Variants in ARMC9 observed in about 807,000 individuals in gnomAD.
ARMC9 encodes armadillo repeat containing 9.
Under a neutral mutation model 107.0 loss-of-function variants are expected in ARMC9, and 94 were observed. The observed-to-expected ratio is 0.88, with a 90% CI of 0.74 to 1.04. The LOEUF (loss-of-function observed/expected upper bound fraction) is 1.04. Ranked by LOEUF, ARMC9 falls within the 50% of genes least tolerant of loss-of-function variation. The pLI is 0.00. For missense variants in ARMC9, 942 were observed against 1,030.1 expected, an observed-to-expected ratio of 0.91 and a Z score of 1.17; for synonymous variants, 380 against 396.9, an observed-to-expected ratio of 0.96 and a Z score of 0.51.
intron 18 of ARMC9, chr2:231,293,681 G>C (rs1245228035): frequency 1.3e-5 from 2 of 152,216 alleles, no homozygotes; most frequent in East Asian, 3.8e-4. Context: ...ATTCTGGAAG[G>C]CTTGGGAAAT....
chr2:231,220,528 C>T (rs1168375699), intron 5 of ARMC9, among the ~76,000 whole-genome samples: 3 of 141,248 alleles, frequency 2.1e-5, no homozygotes, highest in African/African-American at 2.7e-5. Flanking sequence ...ACCCGGGAGG[C>T]GGAGGTTGGA....
intron 9 of ARMC9, among the ~76,000 whole-genome samples, chr2:231,245,418 A>G (rs1275764991): frequency 6.6e-6 from 1 of 152,210 alleles, no homozygotes; most frequent in Admixed American, 6.5e-5. Context: ...GGTTTCACCC[A>G]TGGCAGAGCA....
chr2:231,240,989 G>A (rs1480061231), intron 9 of ARMC9, among the ~76,000 whole-genome samples: 1 of 152,102 alleles, frequency 6.6e-6, no homozygotes, highest in Non-Finnish European at 1.5e-5. Flanking sequence ...CACGAGGTCA[G>A]GAGTTCCAGA....
intron 5 of ARMC9, among the ~76,000 whole-genome samples, chr2:231,222,116 A>T (rs1321752969): frequency 6.6e-6 from 1 of 152,210 alleles, no homozygotes; most frequent in Admixed American, 6.5e-5. Context: ...AATTGTCCTG[A>T]GACAAAGATT....
At chr2:231,319,199 G>A (rs920176200) in intron 19 of ARMC9, among the ~76,000 whole-genome samples, 11 of 152,150 alleles carry the variant, frequency 7.2e-5, no homozygotes, top group Non-Finnish European at 1.3e-4. Flanking sequence ...GCCTGAGTGA[G>A]GTCAGTAAGT....
chr2:231,278,726 C>G (rs992867839), intron 16 of ARMC9, among the ~76,000 whole-genome samples: 2 of 141,652 alleles, frequency 1.4e-5, no homozygotes, highest in African/African-American at 5.2e-5. Flanking sequence ...TGTTTCTCAT[C>G]ATCTAGCCCC....
chr2:231,216,887 A>G lies in ARMC9; in HGVS notation c.504+94A>G. 4 of 1,409,514 alleles carry G rather than the reference A, an allele frequency of 2.8e-6. No homozygotes were observed. In the South Asian group the frequency reaches 5.8e-5, roughly 20 times the overall value. The allele number at this position is 1,409,514 out of a possible 1,614,324, so 87.3% of individuals were successfully genotyped here. A position where few individuals can be genotyped will look rare whatever the true frequency, so the allele number is the denominator to read the frequency against. On this transcript the variant is annotated intron_variant, in intron 5 of 24. Transcript: ENST00000611582. ...GGGGCTTCTGAATGATGCTTTAAAA[A>G]AACTAAAATTTGCTTACATTAGTAT...
chr2:231,272,463 A>C (rs1349026663), intron 13 of ARMC9, among the ~76,000 whole-genome samples: 1 of 151,856 alleles, frequency 6.6e-6, no homozygotes, highest in Non-Finnish European at 1.5e-5. Context: ...CCAAAGTGCT[A>C]GGGTTACAGG....
intron 9 of ARMC9, among the ~76,000 whole-genome samples, chr2:231,241,849 G>T (rs2036328721): frequency 6.6e-6 from 1 of 152,158 alleles, no homozygotes; most frequent in Non-Finnish European, 1.5e-5. Flanking sequence ...GCAGGCTGCA[G>T]ACTGGGCTCT....
Position 231,253,510 on chromosome 2 carries a change from G to A in ARMC9, c.880-3076G>A, listed in dbSNP as rs187653232. ...TGCAGTGAGCTGAGGTCATGCCACTGTACTCCAGCCTGGGAGACAGAGTGA... is the reference window on the plus strand; with the variant it reads ...TGCAGTGAGCTGAGGTCATGCCACTATACTCCAGCCTGGGAGACAGAGTGA... On this transcript the variant is annotated intron_variant, in intron 9 of 24. Coordinates refer to ENST00000611582, the MANE Select transcript of ARMC9 (RefSeq NM_001352754.2). Among the ~76,000 whole-genome samples, 11 of 152,124 alleles carry A rather than the reference G, an allele frequency of 7.2e-5. No individual in the cohort carries two copies. The East Asian group carries it at 2.1e-3, about 29-fold the overall frequency.
chr2:231,342,916 T>A (rs1398782845), intron 20 of ARMC9, among the ~76,000 whole-genome samples: 1 of 151,770 alleles, frequency 6.6e-6, no homozygotes, highest in Non-Finnish European at 1.5e-5. Context: ...CAGGGCAGGG[T>A]TTTTTTGTTT....
chr2:231,322,192 T>C (rs2043036269), intron 19 of ARMC9, among the ~76,000 whole-genome samples: 1 of 152,260 alleles, frequency 6.6e-6, no homozygotes, highest in African/African-American at 2.4e-5. Context: ...ATCCCGGACG[T>C]GCTTCCATCT....
intron 7 of ARMC9, among the ~76,000 whole-genome samples, chr2:231,228,029 T>G (rs774575293): frequency 6.6e-6 from 1 of 151,982 alleles, no homozygotes; most frequent in East Asian, 1.9e-4. Flanking sequence ...CCCAGTACAG[T>G]ATGTGGAGGA....
At chr2:231,232,049 C>T (rs1317294761) in intron 7 of ARMC9, among the ~76,000 whole-genome samples, 3 of 115,866 alleles carry the variant, frequency 2.6e-5, no homozygotes, top group African/African-American at 1.0e-4. Flanking sequence ...TTTTTTGAGA[C>T]GGAGTCTTGC....
chr2:231,322,929 G>A (rs894139215), intron 19 of ARMC9, among the ~76,000 whole-genome samples: 3 of 152,154 alleles, frequency 2.0e-5, no homozygotes, highest in African/African-American at 7.2e-5. Context: ...GTTTCGTTTG[G>A]AATTCACAAG....
intron 11 of ARMC9, among the ~76,000 whole-genome samples, chr2:231,259,475 G>A (rs1383312875): frequency 6.6e-6 from 1 of 152,180 alleles, no homozygotes; most frequent in Non-Finnish European, 1.5e-5. Context: ...CGCTGGACAG[G>A]CACCAACGAA....
chr2:231,231,906 G>A (rs772572592), intron 7 of ARMC9, among the ~76,000 whole-genome samples: 6 of 151,468 alleles, frequency 4.0e-5, no homozygotes, highest in Non-Finnish European at 8.8e-5. Flanking sequence ...CCAGGCTTGT[G>A]TCGAACTCCC....
chr2:231,290,379 A>G (rs1295685760), intron 17 of ARMC9, among the ~76,000 whole-genome samples: 1 of 152,254 alleles, frequency 6.6e-6, no homozygotes, highest in African/African-American at 2.4e-5. Context: ...GCCTACATAA[A>G]AAGAGAACTT....
chr2:231,206,291 T>G lies in ARMC9; in HGVS notation c.51+2T>G. The G allele has an allele frequency of 1.2e-6, 2 of 1,612,176 alleles. No homozygotes were observed. Among genetic ancestry groups the G allele is most frequent in the Non-Finnish European group, 1.7e-6 (2 of 1,178,282 alleles). On this transcript the variant is annotated splice_donor_variant, in intron 2 of 24. Coordinates refer to ENST00000611582, the MANE Select transcript of ARMC9 (RefSeq NM_001352754.2). LOFTEE classifies it high-confidence loss of function. Reference sequence around the variant, plus strand: ...GAATTACTTGGACTAGTGAAAGAGGTAGGTATATTATACAAAGCAGAGGTC... The same window carrying G: ...GAATTACTTGGACTAGTGAAAGAGGGAGGTATATTATACAAAGCAGAGGTC...
Sources: gnomAD v4.1 joint callset for allele counts (sites outside exome capture counted in the v4.1 genomes callset) on GRCh38, gnomAD v4.1.1 for gene constraint, MANE v1.5 for transcripts, NCBI Gene and HGNC (gene_info 2026-07-23, HGNC 2026-07-21) for gene names.